GYG2: variants seen among roughly 807,000 people sequenced by gnomAD.
The protein encoded by GYG2 is glycogenin 2, also known as glycogenin-2.
In GYG2, 29 loss-of-function variants were observed where a neutral mutation model predicts 29.4. The ratio of observed to expected loss-of-function variants is 0.99; its 90% CI spans 0.74 to 1.35. GYG2 has a LOEUF of 1.35. Ranked by LOEUF, GYG2 falls within the 40% of genes most tolerant of loss-of-function variation. The pLI is 0.00. For synonymous variants in GYG2, 167 were observed against 172.3 expected (o/e 0.97, Z 0.24); for missense variants, 370 against 385.7 (o/e 0.96, Z 0.34).
intron 10 of GYG2, among the ~76,000 whole-genome samples, chrX:2,879,557 A>AGG (rs2088672477): frequency 1.8e-5 from 2 of 111,813 alleles, no homozygotes; most frequent in South Asian, 7.4e-4. Context: ...AAACCACCAC[A>AGG]CCCGGCTATC....
At chrX:2,856,768 CTATCTATCT>C (rs1435662351) in intron 6 of GYG2, 144 bp downstream of exon 6, 1 of 385,600 alleles carries the variant, frequency 2.6e-6, no homozygotes, top group Non-Finnish European at 4.3e-6. Context: ...ATCTATCTAT[CTATCTATCT>C]ATCTATCTAT....
At chrX:2,868,785 C>T (rs771357886) in intron 8 of GYG2, among the ~76,000 whole-genome samples, 8 of 110,721 alleles carry the variant, frequency 7.2e-5, no homozygotes, top group South Asian at 7.6e-4. Flanking sequence ...CACGTATACC[C>T]GTGTAACAAA....
chrX:2,856,357 G>A (rs2087983470), intron 5 of GYG2, 141 bp from the exon 6 acceptor site: 2 of 493,836 alleles, frequency 4.0e-6, no homozygotes, highest in Admixed American at 3.7e-5. Flanking sequence ...AAGAGAATGT[G>A]TGCAGCTGGC....
intron 2 of GYG2, among the ~76,000 whole-genome samples, chrX:2,835,390 G>A (rs1289976589): frequency 1.8e-5 from 2 of 111,891 alleles, no homozygotes; most frequent in African/African-American, 6.5e-5. Flanking sequence ...GCCTGAACTC[G>A]TTTTTCAGGT....
chrX:2,846,071 T>A (rs1364234820), intron 3 of GYG2, among the ~76,000 whole-genome samples: 461 of 36,014 alleles, frequency 0.013, 16 homozygotes, highest in Admixed American at 0.068. Flanking sequence ...TTTTTTTTTT[T>A]TTTTTTTTTT....
chrX:2,880,267 A>G (rs1484753688), intron 10 of GYG2, among the ~76,000 whole-genome samples: 2 of 110,658 alleles, frequency 1.8e-5, no homozygotes, highest in African/African-American at 6.6e-5. Flanking sequence ...TGAAAAAACT[A>G]TCTGAATTAT....
intron 3 of GYG2, among the ~76,000 whole-genome samples, chrX:2,844,824 A>G (rs1402070668): frequency 9.3e-6 from 1 of 107,959 alleles, no homozygotes; most frequent in Non-Finnish European, 1.9e-5. Context: ...ATATATACGT[A>G]TGTGTATATG....
At chrX:2,831,246 T>G (rs2087257233) in intron 2 of GYG2, among the ~76,000 whole-genome samples, 1 of 112,671 alleles carries the variant, frequency 8.9e-6, no homozygotes, top group Non-Finnish European at 1.9e-5. Context: ...TTTTAAATTT[T>G]GTAGAGACAG....
chrX:2,840,246 A>G (rs963572553), intron 2 of GYG2, among the ~76,000 whole-genome samples: 1 of 111,568 alleles, frequency 9.0e-6, no homozygotes, highest in Non-Finnish European at 1.9e-5. Flanking sequence ...AGGACGGGGT[A>G]GGGGATTGGA....
At chrX:2,860,820 TC>T (rs2088145370) in intron 7 of GYG2, among the ~76,000 whole-genome samples, 1 of 110,221 alleles carries the variant, frequency 9.1e-6, no homozygotes, top group Non-Finnish European at 1.9e-5. Context: ...ACCTCCGCCT[TC>T]TGGGTTCAAG....
chrX:2,856,622 G>T lies in GYG2; in HGVS notation c.612G>T (p.Lys204Asn), dbSNP rs994970196. The T allele has an allele frequency of 2.3e-5, 28 of 1,204,087 alleles. No homozygotes were observed. Among genetic ancestry groups the T allele is most frequent in the Non-Finnish European group, 3.0e-5 (27 of 890,967 alleles). The part of the protein sequence containing the change: ...NTMYTYSPAF[K>N]QFGSSAKVVH... Reference sequence around the variant, plus strand: ...TGTACACTTACAGCCCTGCCTTCAAGCAGTAAGTTCTCCACCCTGGCGAAT... The same window carrying T: ...TGTACACTTACAGCCCTGCCTTCAATCAGTAAGTTCTCCACCCTGGCGAAT... The change falls in exon 6 of 11, where the codon AAG becomes AAT. Residue 204 changes from lysine to asparagine, a missense_variant and splice_region_variant. Transcript: ENST00000398806.
At chrX:2,839,073 G>A (rs914798354) in intron 2 of GYG2, among the ~76,000 whole-genome samples, 3 of 112,279 alleles carry the variant, frequency 2.7e-5, no homozygotes, top group East Asian at 2.8e-4. Context: ...GAGGAATGTC[G>A]GTTGAGCTGT....
chrX:2,834,883 T>C (rs1281493037), intron 2 of GYG2, among the ~76,000 whole-genome samples: 1 of 112,123 alleles, frequency 8.9e-6, no homozygotes, highest in African/African-American at 3.2e-5. Context: ...CCCAAAAGTA[T>C]CTGAGACAGG....
intron 3 of GYG2, among the ~76,000 whole-genome samples, chrX:2,849,389 G>A (rs968273331): frequency 1.4e-4 from 16 of 111,716 alleles, no homozygotes; most frequent in African/African-American, 5.2e-4. Flanking sequence ...CAAGAGAAAT[G>A]CTAAGAGATA....
chrX:2,875,648 C>T (rs1388002732), intron 8 of GYG2, among the ~76,000 whole-genome samples, 162 bp from the exon 9 acceptor site: 2 of 108,654 alleles, frequency 1.8e-5, no homozygotes, highest in Non-Finnish European at 3.8e-5. Flanking sequence ...AAGAAACAAA[C>T]ACAGGTATTG....
intron 8 of GYG2, among the ~76,000 whole-genome samples, chrX:2,873,542 T>TCTC (rs893899518): frequency 1.8e-5 from 2 of 109,864 alleles, no homozygotes; most frequent in Non-Finnish European, 3.8e-5. Flanking sequence ...TCCTCCTCTT[T>TCTC]CTCCTCCTCC....
intron 2 of GYG2, among the ~76,000 whole-genome samples, chrX:2,841,287 T>TCATAGGTAGATGGA (rs2087492747): frequency 9.2e-6 from 1 of 108,928 alleles, no homozygotes; most frequent in Non-Finnish European, 1.9e-5. Flanking sequence ...AATTGGTAGA[T>TCATAGGTAGATGGA]CATAGGTAGA....
At chrX:2,848,337 G>A (rs1305477390) in intron 3 of GYG2, among the ~76,000 whole-genome samples, 1 of 110,707 alleles carries the variant, frequency 9.0e-6, no homozygotes, top group Non-Finnish European at 1.9e-5. Context: ...TCAGGAGTTC[G>A]AGACCAGCCT....
intron 10 of GYG2, 69 bp from the exon 11 acceptor site, chrX:2,880,983 G>T: frequency 3.0e-6 from 3 of 1,003,923 alleles, no homozygotes; most frequent in Non-Finnish European, 4.2e-6. Flanking sequence ...ACACTGGATG[G>T]GTTTTAGCAG....
Sources: allele counts gnomAD v4.1 joint callset (sites outside exome capture counted in the v4.1 genomes callset), GRCh38; gene constraint gnomAD v4.1.1; transcripts MANE v1.5; gene names NCBI Gene and HGNC (gene_info 2026-07-23, HGNC 2026-07-21).